Variants in EIF4G3 observed in about 807,000 individuals in gnomAD.
EIF4G3 encodes the protein eIF-4-gamma 3.
EIF4G3 carries 34 observed loss-of-function variants against 186.4 expected under a neutral mutation model. That is an observed-to-expected ratio of 0.18 (90% CI 0.14 to 0.24). The LOEUF is 0.24. Ranked by LOEUF, EIF4G3 falls within the 10% of genes least tolerant of loss-of-function variation. The pLI, the probability that EIF4G3 is intolerant of heterozygous loss-of-function variation, is 1.00. For synonymous variants in EIF4G3, 673 were observed against 679.5 expected (o/e 0.99, Z 0.15); for missense variants, 1,536 against 1,948.5 (o/e 0.79, Z 3.99).
chr1:20,980,778 T>C (rs1558542782), intron 9 of EIF4G3, among the ~76,000 whole-genome samples: 1 of 152,228 alleles, frequency 6.6e-6, no homozygotes, highest in African/African-American at 2.4e-5. Flanking sequence ...ACTGAGTCCA[T>C]TTTAGAGCAG....
chr1:20,972,680 G>C (rs2076135026), intron 11 of EIF4G3, among the ~76,000 whole-genome samples: 1 of 152,032 alleles, frequency 6.6e-6, no homozygotes, highest in Non-Finnish European at 1.5e-5. Flanking sequence ...GTCTAGATGT[G>C]AGAACTGAGC....
At chr1:21,010,427 A>C (rs1285958433) in intron 4 of EIF4G3, among the ~76,000 whole-genome samples, 1 of 150,168 alleles carries the variant, frequency 6.7e-6, no homozygotes, top group Non-Finnish European at 1.5e-5. Flanking sequence ...CTCAAAAAAA[A>C]AAAAAAAAAA....
chr1:21,057,358 G>C (rs1343859951), intron 3 of EIF4G3, among the ~76,000 whole-genome samples: 1 of 152,062 alleles, frequency 6.6e-6, no homozygotes, highest in African/African-American at 2.4e-5. Flanking sequence ...ACACAATTTA[G>C]ATGACCCTCA....
At chr1:21,156,858 T>C (rs563700657) in intron 2 of EIF4G3, among the ~76,000 whole-genome samples, 135 of 152,214 alleles carry the variant, frequency 8.9e-4, no homozygotes, top group Non-Finnish European at 1.5e-3. Flanking sequence ...GAGGATCGCT[T>C]GAGCCCAGGA....
At chr1:21,108,409 G>C (rs1255657947) in intron 2 of EIF4G3, among the ~76,000 whole-genome samples, 1 of 151,962 alleles carries the variant, frequency 6.6e-6, no homozygotes, top group East Asian at 1.9e-4. Flanking sequence ...CTCATCATTA[G>C]TAAGATTACT....
At chr1:21,174,592 T>A (rs1042321005) in intron 2 of EIF4G3, 8 of 152,172 alleles carry the variant, frequency 5.3e-5, no homozygotes, top group Non-Finnish European at 1.2e-4. Flanking sequence ...TAGAAAGGAA[T>A]TTAAACTCAC....
intron 10 of EIF4G3, among the ~76,000 whole-genome samples, chr1:20,980,007 G>C (rs1267995367): frequency 6.6e-6 from 1 of 151,988 alleles, no homozygotes; most frequent in East Asian, 1.9e-4. Context: ...TAAAGTGCTG[G>C]GATTACAGGC....
chr1:20,959,655 C>CAGTAATAAT (rs558803925), intron 12 of EIF4G3, among the ~76,000 whole-genome samples: 2 of 142,526 alleles, frequency 1.4e-5, no homozygotes, highest in African/African-American at 5.1e-5. Context: ...AACAAATCAG[C>CAGTAATAAT]AATAATAATA....
At chr1:20,883,310 C>A (rs929096030) in intron 19 of EIF4G3, among the ~76,000 whole-genome samples, 1 of 151,892 alleles carries the variant, frequency 6.6e-6, no homozygotes, top group Non-Finnish European at 1.5e-5. Context: ...CTGGATTAGT[C>A]GAGGAATGCC....
chr1:20,944,045 T>TGTGTGTGTGTGTGTGTGTG (rs1330741119), intron 13 of EIF4G3, among the ~76,000 whole-genome samples: 2 of 143,970 alleles, frequency 1.4e-5, no homozygotes, highest in African/African-American at 2.6e-5. Context: ...TGTGTGTATG[T>TGTGTGTGTGTGTGTGTGTG]TCGTTCTAGA....
chr1:21,107,410 G>C (rs1043312599), intron 2 of EIF4G3, among the ~76,000 whole-genome samples: 2 of 151,938 alleles, frequency 1.3e-5, no homozygotes, highest in Non-Finnish European at 2.9e-5. Context: ...GACCTCAAGT[G>C]ATCTGCCCGC....
At chr1:21,061,740 TG>T (rs1320156280) in intron 3 of EIF4G3, among the ~76,000 whole-genome samples, 149 of 148,916 alleles carry the variant, frequency 1.0e-3, no homozygotes, top group African/African-American at 3.6e-3. Context: ...TTTCTCTGCT[TG>T]TTTTTTTTTT....
chr1:21,010,132 A>C (rs1015257587), intron 4 of EIF4G3, among the ~76,000 whole-genome samples: 7 of 152,230 alleles, frequency 4.6e-5, no homozygotes, highest in Admixed American at 4.6e-4. Flanking sequence ...AATTTTATTC[A>C]ATTTAAATTT....
intron 7 of EIF4G3, among the ~76,000 whole-genome samples, chr1:20,983,253 G>A (rs561055466): frequency 3.9e-5 from 6 of 152,262 alleles, no homozygotes; most frequent in South Asian, 2.1e-4. Flanking sequence ...GCAGGAGAAC[G>A]GAATAAATGG....
intron 4 of EIF4G3, among the ~76,000 whole-genome samples, chr1:21,038,791 A>G (rs1286234889): frequency 1.5e-5 from 1 of 68,906 alleles, no homozygotes; most frequent in African/African-American, 4.1e-5. Context: ...TTCTTTATTA[A>G]GGTGAATACT....
Position 20,810,317 on chromosome 1 carries a change from G to A in EIF4G3, c.4744+421C>T, listed in dbSNP as rs2058989311. Among the ~76,000 whole-genome samples the A allele has an allele frequency of 6.6e-6, 1 of 152,138 alleles. No homozygotes were observed. The highest frequency in any genetic ancestry group is 1.5e-5 in the Non-Finnish European group (1 of 68,028). ...TTACAGGTGCCCGCCACCACACCCA[G>A]CTAATTTTTTGTATTTTTAGTAGAG... On this transcript the variant is annotated intron_variant, in intron 36 of 36. Transcript: ENST00000602326. This position sits in a 1 kb window ranked among gnomAD's most constrained non-coding sequence, Gnocchi z 4.1.
intron 14 of EIF4G3, among the ~76,000 whole-genome samples, chr1:20,919,131 C>A (rs1462090500): frequency 6.6e-6 from 1 of 152,130 alleles, no homozygotes; most frequent in Non-Finnish European, 1.5e-5. Context: ...TTTTAACCGA[C>A]AGGTATTTTC....
intron 36 of EIF4G3, among the ~76,000 whole-genome samples, chr1:20,807,712 C>A (rs1203943035): frequency 1.8e-5 from 2 of 113,734 alleles, no homozygotes; most frequent in Non-Finnish European, 3.8e-5. Context: ...AGTCTAAATT[C>A]TTTTTTATTC....
intron 20 of EIF4G3, among the ~76,000 whole-genome samples, chr1:20,871,453 G>A (rs1049296457): frequency 2.0e-5 from 3 of 152,166 alleles, no homozygotes; most frequent in Non-Finnish European, 2.9e-5. Flanking sequence ...TGAAGTGGGG[G>A]TGGGAGGGAA....
Sources: allele counts gnomAD v4.1 joint callset (sites outside exome capture counted in the v4.1 genomes callset), GRCh38; gene constraint gnomAD v4.1.1; non-coding constraint Gnocchi (gnomAD v3.1); transcripts MANE v1.5; gene names NCBI Gene and HGNC (gene_info 2026-07-23, HGNC 2026-07-21).